Variants in RBMS3 observed in about 807,000 individuals in gnomAD.
RBMS3 encodes RNA binding motif single stranded interacting protein 3.
In RBMS3, 27 loss-of-function variants were observed where a neutral mutation model predicts 66.8. The ratio of observed to expected loss-of-function variants is 0.40; its 90% CI spans 0.30 to 0.56. The LOEUF is 0.56. Ranked by LOEUF, RBMS3 falls within the 20% of genes least tolerant of loss-of-function variation. The pLI is 0.40. For missense variants in RBMS3, 513 were observed against 549.5 expected (o/e 0.93, Z 0.66); for synonymous variants, 188 against 183.0 (o/e 1.03, Z -0.22).
At chr3:29,949,801 G>A (rs896300281) in intron 12 of RBMS3, among the ~76,000 whole-genome samples, 2 of 151,352 alleles carry the variant, frequency 1.3e-5, no homozygotes, top group African/African-American at 4.8e-5. Context: ...ACTTATAGCA[G>A]CAACAGGGGA....
chr3:29,866,120 TC>T (rs2059358172), intron 6 of RBMS3, among the ~76,000 whole-genome samples: 1 of 148,654 alleles, frequency 6.7e-6, no homozygotes, highest in African/African-American at 2.5e-5. Flanking sequence ...TGGATAACAT[TC>T]CTTGGTTAAA....
rs529465328 is a variant in RBMS3, at chr3:29,657,959, A to C, written c.399+70754A>C. On this transcript the variant is annotated intron_variant, in intron 4 of 14. Transcript: ENST00000383767. ...TTCATGAAAATGGAAAGCTTCAAGGAAAATAAATGAACAAAAATATCCCCC... is the reference window on the plus strand; with the variant it reads ...TTCATGAAAATGGAAAGCTTCAAGGCAAATAAATGAACAAAAATATCCCCC... 5.3e-5 allele frequency among the ~76,000 whole-genome samples: 8 copies of C among 152,326 alleles called. No homozygotes were observed. In the South Asian group the frequency reaches 1.0e-3, roughly 20 times the overall value.
At chr3:29,382,716 C>G (rs932956144) in intron 1 of RBMS3, among the ~76,000 whole-genome samples, 1 of 152,110 alleles carries the variant, frequency 6.6e-6, no homozygotes, top group African/African-American at 2.4e-5. Flanking sequence ...AAATATGTGG[C>G]AATTCAGTAT....
At chr3:29,922,042 A>T (rs1366902678) in intron 10 of RBMS3, among the ~76,000 whole-genome samples, 2 of 152,226 alleles carry the variant, frequency 1.3e-5, no homozygotes, top group Non-Finnish European at 2.9e-5. Context: ...ACTAAAAAAA[A>T]GACAGAAAAT....
At chr3:29,800,338 G>A (rs1378349700) in intron 6 of RBMS3, among the ~76,000 whole-genome samples, 1 of 151,998 alleles carries the variant, frequency 6.6e-6, no homozygotes, top group East Asian at 1.9e-4. Flanking sequence ...AGAGGAAAGA[G>A]TTTAGCAGTT....
intron 4 of RBMS3, among the ~76,000 whole-genome samples, chr3:29,677,128 A>G (rs2051290231): frequency 6.6e-6 from 1 of 152,128 alleles, no homozygotes. Flanking sequence ...CACTCACTAT[A>G]CAGTACTAAG....
chr3:29,671,268 A>C (rs573075279), intron 4 of RBMS3, among the ~76,000 whole-genome samples: 269 of 152,298 alleles, frequency 1.8e-3, no homozygotes, highest in Non-Finnish European at 2.9e-3. Context: ...CCAAAACCCC[A>C]CCTGTGGGTC....
intron 1 of RBMS3, among the ~76,000 whole-genome samples, chr3:29,412,902 G>A (rs564150475): frequency 6.6e-6 from 1 of 152,348 alleles, no homozygotes; most frequent in South Asian, 2.1e-4. Context: ...GGGGAACCAG[G>A]AGGAAGGCAT....
intron 1 of RBMS3, among the ~76,000 whole-genome samples, chr3:29,388,577 A>T (rs866707128): frequency 4.6e-5 from 7 of 151,868 alleles, no homozygotes; most frequent in African/African-American, 7.3e-5. Flanking sequence ...CACTGGCAAA[A>T]TTTTTTTTCT....
At chr3:29,885,042 T>C (rs2059836137) in intron 8 of RBMS3, among the ~76,000 whole-genome samples, 1 of 151,912 alleles carries the variant, frequency 6.6e-6, no homozygotes. Flanking sequence ...AGAAAATCTG[T>C]GGGATATTGA....
chr3:29,687,527 A>G (rs1427259886), intron 4 of RBMS3, among the ~76,000 whole-genome samples: 1 of 152,220 alleles, frequency 6.6e-6, no homozygotes, highest in East Asian at 1.9e-4. Flanking sequence ...CATATTTGAC[A>G]CAAGCTATCT....
At chr3:29,600,482 A>C (rs74799489) in intron 4 of RBMS3, among the ~76,000 whole-genome samples, 3 of 152,004 alleles carry the variant, frequency 2.0e-5, no homozygotes, top group Non-Finnish European at 4.4e-5. Context: ...CAACCTGAGG[A>C]TCTCACCAGA....
chr3:29,611,559 T>C (rs2048493304), intron 4 of RBMS3, among the ~76,000 whole-genome samples: 1 of 151,890 alleles, frequency 6.6e-6, no homozygotes, highest in African/African-American at 2.4e-5. Flanking sequence ...CAATCTTGTA[T>C]GCCAGAAAAA....
chr3:29,537,122 A>G (rs2045584224), intron 3 of RBMS3, among the ~76,000 whole-genome samples: 1 of 152,244 alleles, frequency 6.6e-6, no homozygotes, highest in South Asian at 2.1e-4. Context: ...TATTAATAAA[A>G]ATAAGTGTTT....
intron 1 of RBMS3, among the ~76,000 whole-genome samples, chr3:29,377,806 C>T (rs2038555858): frequency 6.6e-6 from 1 of 152,118 alleles, no homozygotes. Flanking sequence ...GGGTTTGGTG[C>T]TCATTCTTGT....
intron 14 of RBMS3, among the ~76,000 whole-genome samples, chr3:30,001,791 T>C (rs910544959): frequency 5.9e-5 from 9 of 151,268 alleles, no homozygotes; most frequent in African/African-American, 2.2e-4. Flanking sequence ...ATTTCTTATT[T>C]TATTATTTAT....
chr3:29,466,281 C>A (rs1192939294), intron 2 of RBMS3, among the ~76,000 whole-genome samples: 1 of 151,882 alleles, frequency 6.6e-6, no homozygotes, highest in Non-Finnish European at 1.5e-5. Context: ...AAAGCACATA[C>A]CTGGAAGTTG....
intron 2 of RBMS3, among the ~76,000 whole-genome samples, chr3:29,457,342 A>G (rs1347835190): frequency 6.6e-6 from 1 of 152,146 alleles, no homozygotes; most frequent in African/African-American, 2.4e-5. Flanking sequence ...ATAAAGGCCC[A>G]TCAATCTGTT....
chr3:29,962,608 T>G (rs1164739256), intron 12 of RBMS3, among the ~76,000 whole-genome samples: 1 of 147,838 alleles, frequency 6.8e-6, no homozygotes, highest in Non-Finnish European at 1.5e-5. Flanking sequence ...GCATGATCCT[T>G]TGAACCTCTA....
Sources: gnomAD v4.1 joint callset for allele counts (sites outside exome capture counted in the v4.1 genomes callset) on GRCh38, gnomAD v4.1.1 for gene constraint, MANE v1.5 for transcripts, NCBI Gene and HGNC (gene_info 2026-07-23, HGNC 2026-07-21) for gene names.